The following KCNIP4 variants were observed in gnomAD, a reference collection of about 807,000 sequenced individuals.
KCNIP4 encodes potassium voltage-gated channel interacting protein 4.
KCNIP4 carries 12 observed loss-of-function variants against 34.0 expected under a neutral mutation model. The ratio of observed to expected loss-of-function variants is 0.35; its 90% CI spans 0.23 to 0.57. The LOEUF (loss-of-function observed/expected upper bound fraction) is 0.57. Ranked by LOEUF, KCNIP4 falls within the 20% of genes least tolerant of loss-of-function variation. The pLI is 0.83. For synonymous variants in KCNIP4, 124 were observed against 102.2 expected (o/e 1.21, Z -1.29); for missense variants, 238 against 311.7 (o/e 0.76, Z 1.78).
At chr4:20,782,676 G>T (rs892168360) in intron 3 of KCNIP4, among the ~76,000 whole-genome samples, 4 of 152,076 alleles carry the variant, frequency 2.6e-5, no homozygotes, top group Non-Finnish European at 5.9e-5. Flanking sequence ...TCTTCCCAAC[G>T]AAACCATTTT....
chr4:21,751,806 G>C (rs765621609), intron 1 of KCNIP4, among the ~76,000 whole-genome samples: 2 of 152,106 alleles, frequency 1.3e-5, no homozygotes, highest in African/African-American at 4.8e-5. Context: ...AGAAGAAAAG[G>C]CTTAGGGAGG....
At chr4:20,991,932 C>T (rs1737115330) in intron 1 of KCNIP4, among the ~76,000 whole-genome samples, 1 of 152,164 alleles carries the variant, frequency 6.6e-6, no homozygotes, top group Non-Finnish European at 1.5e-5. Context: ...GCACGAGATT[C>T]CAGAGACTGA....
chr4:21,444,348 C>T lies in KCNIP4; in HGVS notation c.61+504223G>A, dbSNP rs550494016. On this transcript the variant is annotated intron_variant, in intron 1 of 8. Coordinates refer to ENST00000382152, the MANE Select transcript of KCNIP4 (RefSeq NM_025221.6). ...AAAAGAGAATTTTAGACCAATATCC[C>T]TGATGAACATTGATGCAAAAATCCT... is the stretch of plus-strand genomic sequence containing the variant. Among the ~76,000 whole-genome samples the T allele has an allele frequency of 7.7e-4, 118 of 152,284 alleles. 1 individual carries two copies. Among genetic ancestry groups the T allele is most frequent in the Middle Eastern group, 3.4e-3 (1 of 294 alleles).
At chr4:21,290,979 T>C (rs1258535244) in intron 1 of KCNIP4, among the ~76,000 whole-genome samples, 4 of 152,212 alleles carry the variant, frequency 2.6e-5, no homozygotes, top group South Asian at 2.1e-4. Context: ...GAGGATTTTA[T>C]AGAAGAAGTA....
At chr4:20,831,280 A>T (rs1416544845) in intron 3 of KCNIP4, among the ~76,000 whole-genome samples, 1 of 152,152 alleles carries the variant, frequency 6.6e-6, no homozygotes, top group Non-Finnish European at 1.5e-5. Context: ...TGCATAAGGA[A>T]ATTGAGGTCC....
intron 1 of KCNIP4, among the ~76,000 whole-genome samples, chr4:21,662,890 G>T (rs1006602814): frequency 6.6e-6 from 1 of 152,078 alleles, no homozygotes; most frequent in African/African-American, 2.4e-5. Context: ...TGATTCAAGG[G>T]TTATTTTACA....
intron 1 of KCNIP4, among the ~76,000 whole-genome samples, chr4:21,401,009 A>C (rs1723512759): frequency 6.6e-6 from 1 of 152,078 alleles, no homozygotes; most frequent in South Asian, 2.1e-4. Flanking sequence ...AAAAATACAA[A>C]AATTAGCTGG....
rs149588816 is a variant in KCNIP4 at position 21,300,170 on chromosome 4, A to G, written c.62-417461T>C. 4.6e-3 allele frequency among the ~76,000 whole-genome samples: 693 copies of G among 152,292 alleles called. 8 individuals are homozygous for G. The highest frequency in any genetic ancestry group is 0.016 in the African/African-American group (671 of 41,572). ...TAATACATATTTAGATGAAAAGTAG[A>G]TATTTTCACAGCCCAGTGTTACATA... On this transcript the variant is annotated intron_variant, in intron 1 of 8. Coordinates refer to ENST00000382152, the MANE Select transcript of KCNIP4 (RefSeq NM_025221.6).
At chr4:21,323,289 G>A (rs1578077552) in intron 1 of KCNIP4, among the ~76,000 whole-genome samples, 1 of 151,514 alleles carries the variant, frequency 6.6e-6, no homozygotes, top group South Asian at 2.1e-4. Context: ...TATGCTCTTA[G>A]TCATTTCAAA....
intron 5 of KCNIP4, among the ~76,000 whole-genome samples, chr4:20,744,177 AG>A (rs1201609402): frequency 6.6e-6 from 1 of 152,232 alleles, no homozygotes; most frequent in Non-Finnish European, 1.5e-5. Flanking sequence ...ACTGTAAACT[AG>A]TTCAACCATT....
intron 3 of KCNIP4, among the ~76,000 whole-genome samples, chr4:20,776,928 C>CAA (rs35878274): frequency 1.3e-5 from 2 of 151,296 alleles, no homozygotes; most frequent in East Asian, 3.9e-4. Context: ...AAAACACAGG[C>CAA]AAAAAAAATG....
chr4:21,773,012 C>T (rs917991785), intron 1 of KCNIP4, among the ~76,000 whole-genome samples: 2 of 151,922 alleles, frequency 1.3e-5, no homozygotes, highest in Non-Finnish European at 2.9e-5. Flanking sequence ...GGGATGTTAG[C>T]GTGTCAATTT....
chr4:21,403,382 T>C (rs1472153150), intron 1 of KCNIP4, among the ~76,000 whole-genome samples: 4 of 152,180 alleles, frequency 2.6e-5, no homozygotes, highest in African/African-American at 9.7e-5. Context: ...CTCACTTCCA[T>C]ACAATTGAAA....
intron 1 of KCNIP4, among the ~76,000 whole-genome samples, chr4:21,740,582 C>G (rs1716329654): frequency 6.6e-6 from 1 of 152,066 alleles, no homozygotes; most frequent in African/African-American, 2.4e-5. Flanking sequence ...AAATGAAAAT[C>G]ATAGCATTTC....
At chr4:20,746,793 C>G (rs1185696596) in intron 5 of KCNIP4, among the ~76,000 whole-genome samples, 1 of 152,118 alleles carries the variant, frequency 6.6e-6, no homozygotes, top group Non-Finnish European at 1.5e-5. Flanking sequence ...CCCCTCCTAT[C>G]ATATTTCTTC....
At chr4:21,335,706 A>T (rs1053499023) in intron 1 of KCNIP4, among the ~76,000 whole-genome samples, 1 of 152,206 alleles carries the variant, frequency 6.6e-6, no homozygotes, top group Non-Finnish European at 1.5e-5. Context: ...CACTGGATTT[A>T]CATTTCTTTA....
At chr4:20,800,863 T>G (rs1363081817) in intron 3 of KCNIP4, among the ~76,000 whole-genome samples, 1 of 152,212 alleles carries the variant, frequency 6.6e-6, no homozygotes, top group South Asian at 2.1e-4. Flanking sequence ...ACAAAAATGC[T>G]TATTTAATAA....
chr4:20,738,215 GAGC>G (rs1750170874), intron 5 of KCNIP4, among the ~76,000 whole-genome samples: 1 of 152,062 alleles, frequency 6.6e-6, no homozygotes, highest in South Asian at 2.1e-4. Context: ...GAAGATTGCT[GAGC>G]AGTTTTGAAA....
chr4:21,360,102 A>G (rs188384754), intron 1 of KCNIP4, among the ~76,000 whole-genome samples: 1 of 152,176 alleles, frequency 6.6e-6, no homozygotes, highest in Admixed American at 6.6e-5. Context: ...TCAAAATTTA[A>G]ACTGTTGTTT....
Sources: gnomAD v4.1 joint callset for allele counts (sites outside exome capture counted in the v4.1 genomes callset) on GRCh38, gnomAD v4.1.1 for gene constraint, MANE v1.5 for transcripts, NCBI Gene and HGNC (gene_info 2026-07-23, HGNC 2026-07-21) for gene names.